ANXA8: variants seen among roughly 807,000 people sequenced by gnomAD.
The protein encoded by ANXA8 is annexin A8, also known as VAC-beta.
A neutral mutation model predicts 26.8 loss-of-function variants in ANXA8; 9 were observed. The observed-to-expected ratio is 0.34, with a 90% CI of 0.20 to 0.59. The LOEUF is 0.59. ANXA8 is among the 20% of genes least tolerant of loss of function. ANXA8 has a pLI of 0.84. For synonymous variants in ANXA8, 39 were observed against 94.8 expected (o/e 0.41, Z 3.42); for missense variants, 83 against 238.5 (o/e 0.35, Z 4.29).
the ANXA8 span, among the ~76,000 whole-genome samples, chr10:47,652,601 A>T: frequency 6.7e-6 from 1 of 149,748 alleles, no homozygotes; most frequent in Non-Finnish European, 1.5e-5. Flanking sequence ...TCTTGAAAAA[A>T]AAAAGATAAA....
At chr10:47,511,168 C>T in the ANXA8 span, among the ~76,000 whole-genome samples, 2 of 135,196 alleles carry the variant, frequency 1.5e-5, 1 homozygote, top group African/African-American at 5.9e-5. Context: ...TGGTCTCGAT[C>T]TCCTCACCTC....
the ANXA8 span, among the ~76,000 whole-genome samples, chr10:47,617,795 A>G: frequency 6.9e-6 from 1 of 145,284 alleles, no homozygotes; most frequent in Non-Finnish European, 1.5e-5. Context: ...AGTTTTTGAT[A>G]CAGTGAAATT....
Position 47,484,067 on chromosome 10 carries a change from G to A in ANXA8, c.-134C>T, listed in dbSNP as rs1338475818. On this transcript the variant is annotated 5_prime_UTR_variant, in exon 1 of 12. Transcript: ENST00000585281. ...CACTTGGGTGTGGGGGTGCAAGCCC[G>A]CCCAGGGCAGCGCCACACCTGCCTG... 4.5e-5 allele frequency: 72 copies of A among 1,605,436 alleles called. 1 individual carries two copies. The highest frequency in any genetic ancestry group is 2.6e-4 in the African/African-American group (19 of 74,480).
chr10:47,672,690 G>C, the ANXA8 span, among the ~76,000 whole-genome samples: 3 of 151,926 alleles, frequency 2.0e-5, no homozygotes, highest in Non-Finnish European at 4.4e-5. Context: ...GGGTGACTGA[G>C]ATCTGGTCAA....
the ANXA8 span, among the ~76,000 whole-genome samples, chr10:47,708,676 G>A: frequency 7.0e-6 from 1 of 142,224 alleles, no homozygotes; most frequent in Non-Finnish European, 1.5e-5. Context: ...GAAAAGAAAA[G>A]ACTTCTGTTC....
At chr10:47,544,060 G>A in the ANXA8 span, among the ~76,000 whole-genome samples, 3 of 151,312 alleles carry the variant, frequency 2.0e-5, no homozygotes, top group Non-Finnish European at 4.4e-5. Flanking sequence ...GAGCACAAAG[G>A]AAGGAAACTG....
chr10:47,881,825 TTG>T, the ANXA8 span, among the ~76,000 whole-genome samples: 1 of 135,518 alleles, frequency 7.4e-6, no homozygotes. Flanking sequence ...ATGTGCATGT[TTG>T]TGTGTGTGTG....
At chr10:47,664,447 A>C in the ANXA8 span, among the ~76,000 whole-genome samples, 1 of 150,986 alleles carries the variant, frequency 6.6e-6, no homozygotes, top group African/African-American at 2.4e-5. Flanking sequence ...GGGTGCCTGT[A>C]ATCCCAACTA....
the ANXA8 span, among the ~76,000 whole-genome samples, chr10:47,597,075 T>C: frequency 1.3e-5 from 2 of 149,206 alleles, no homozygotes; most frequent in South Asian, 2.1e-4. Context: ...GTGAACTTTA[T>C]ACCTGGGATG....
At chr10:47,667,723 T>A in the ANXA8 span, among the ~76,000 whole-genome samples, 3 of 151,614 alleles carry the variant, frequency 2.0e-5, no homozygotes, top group African/African-American at 7.3e-5. Context: ...AAGCCAATTT[T>A]TGTTTTTTTG....
chr10:47,553,122 A>G, the ANXA8 span, among the ~76,000 whole-genome samples: 3 of 151,908 alleles, frequency 2.0e-5, no homozygotes, highest in African/African-American at 7.3e-5. Context: ...CTTCTCTACT[A>G]TATTTTACTG....
At chr10:47,502,887 C>A in the ANXA8 span, 1 of 1,604,798 alleles carries the variant, frequency 6.2e-7, no homozygotes, top group Non-Finnish European at 8.5e-7. Context: ...CAGTGGCAGA[C>A]ACAATCATAA....
the ANXA8 span, among the ~76,000 whole-genome samples, chr10:47,694,911 A>G: frequency 6.6e-6 from 1 of 151,522 alleles, no homozygotes; most frequent in African/African-American, 2.4e-5. Context: ...TGTTTAAAGG[A>G]CAAACAGAAT....
At chr10:47,593,535 A>C in the ANXA8 span, among the ~76,000 whole-genome samples, 3 of 149,786 alleles carry the variant, frequency 2.0e-5, no homozygotes, top group African/African-American at 7.6e-5. Flanking sequence ...CTTACTCTTA[A>C]GTCCATCTAC....
the ANXA8 span, among the ~76,000 whole-genome samples, chr10:47,683,595 T>A: frequency 2.0e-5 from 3 of 151,902 alleles, no homozygotes; most frequent in Non-Finnish European, 2.9e-5. Flanking sequence ...TGAATTTGGT[T>A]CAATCAGGTC....
chr10:47,600,755 C>T, the ANXA8 span, among the ~76,000 whole-genome samples: 117 of 126,548 alleles, frequency 9.2e-4, no homozygotes, highest in East Asian at 7.6e-3. Flanking sequence ...TTCAGGTTCA[C>T]CCTTAGTAAC....
At chr10:47,701,837 C>G in the ANXA8 span, among the ~76,000 whole-genome samples, 1 of 151,262 alleles carries the variant, frequency 6.6e-6, no homozygotes, top group Non-Finnish European at 1.5e-5. Context: ...ACAAATGAAC[C>G]CAATATTGTT....
chr10:47,701,770 G>C, the ANXA8 span, among the ~76,000 whole-genome samples: 1 of 151,706 alleles, frequency 6.6e-6, no homozygotes, highest in Non-Finnish European at 1.5e-5. Flanking sequence ...TGGGGAATGG[G>C]AACAGGATAG....
the ANXA8 span, among the ~76,000 whole-genome samples, chr10:47,932,381 T>A: frequency 8.6e-5 from 13 of 150,656 alleles, no homozygotes; most frequent in African/African-American, 3.2e-4. Flanking sequence ...AATCCCAAAC[T>A]CAAGTGGGTG....
Sources: gnomAD v4.1 joint callset for allele counts (sites outside exome capture counted in the v4.1 genomes callset) on GRCh38, gnomAD v4.1.1 for gene constraint, MANE v1.5 for transcripts, NCBI Gene and HGNC (gene_info 2026-07-23, HGNC 2026-07-21) for gene names.